Variants in SORCS3 observed in about 807,000 individuals in gnomAD.
SORCS3 encodes VPS10 domain-containing receptor SorCS3.
Under a neutral mutation model 146.3 loss-of-function variants are expected in SORCS3, and 57 were observed. The ratio of observed to expected loss-of-function variants is 0.39; its 90% CI spans 0.31 to 0.49. The LOEUF (loss-of-function observed/expected upper bound fraction) is 0.49, where lower values mean the gene tolerates loss of function less well. Among genes scored for constraint, SORCS3 ranks in the 20% least tolerant of loss-of-function variants. The pLI, the probability that SORCS3 is intolerant of heterozygous loss-of-function variation, is 0.92. For missense variants in SORCS3, 1,341 were observed against 1,575.5 expected (o/e 0.85, Z 2.52); for synonymous variants, 653 against 618.5 (o/e 1.06, Z -0.83).
chr10:104,929,306 C>G (rs2133609585), intron 3 of SORCS3, among the ~76,000 whole-genome samples: 1 of 152,350 alleles, frequency 6.6e-6, no homozygotes, highest in Non-Finnish European at 1.5e-5. Flanking sequence ...AAATGAGCCT[C>G]TCTTCGGCTT....
At chr10:104,669,498 T>G (rs1315309813) in intron 1 of SORCS3, among the ~76,000 whole-genome samples, 2 of 152,224 alleles carry the variant, frequency 1.3e-5, no homozygotes, top group Non-Finnish European at 2.9e-5. Context: ...CATATAGCAT[T>G]TGCCTTTGGA....
intron 4 of SORCS3, among the ~76,000 whole-genome samples, chr10:105,003,120 A>G (rs2055071856): frequency 6.6e-6 from 1 of 152,180 alleles, no homozygotes; most frequent in South Asian, 2.1e-4. Context: ...ATAATTCCTA[A>G]CAATGGCATC....
intron 6 of SORCS3, among the ~76,000 whole-genome samples, chr10:105,102,001 G>C (rs2055788340): frequency 6.6e-6 from 1 of 152,174 alleles, no homozygotes; most frequent in African/African-American, 2.4e-5. Context: ...TGGGCTCCCT[G>C]CCTTCCCCTC....
chr10:104,912,707 G>T (rs2018981386), intron 2 of SORCS3, among the ~76,000 whole-genome samples: 1 of 152,144 alleles, frequency 6.6e-6, no homozygotes, highest in African/African-American at 2.4e-5. Flanking sequence ...TTTGTACCAG[G>T]CATGGTGCAA....
intron 1 of SORCS3, among the ~76,000 whole-genome samples, chr10:104,813,785 G>A (rs188857462): frequency 2.6e-5 from 4 of 151,972 alleles, no homozygotes; most frequent in South Asian, 2.1e-4. Flanking sequence ...TAACCAGGAC[G>A]ATAATGTTTT....
At chr10:105,243,036 C>CATATATTTATATATATTT (rs1334939373) in intron 20 of SORCS3, among the ~76,000 whole-genome samples, 7 of 129,388 alleles carry the variant, frequency 5.4e-5, no homozygotes, top group East Asian at 2.1e-4. Flanking sequence ...TATATATTTA[C>CATATATTTATATATATTT]ATATATTTAT....
chr10:104,766,001 C>T (rs1376454998), intron 1 of SORCS3, among the ~76,000 whole-genome samples: 3 of 152,178 alleles, frequency 2.0e-5, no homozygotes, highest in Non-Finnish European at 4.4e-5. Context: ...CCCTTTGGGG[C>T]TAGAGAGGTT....
At chr10:105,158,110 G>A (rs1422859932) in intron 10 of SORCS3, among the ~76,000 whole-genome samples, 2 of 152,024 alleles carry the variant, frequency 1.3e-5, no homozygotes, top group African/African-American at 4.8e-5. Context: ...TACTAGGAGG[G>A]TCAGAGAGAA....
At chr10:105,206,864 C>T (rs1003669406) in intron 16 of SORCS3, among the ~76,000 whole-genome samples, 3 of 152,090 alleles carry the variant, frequency 2.0e-5, no homozygotes, top group Admixed American at 2.0e-4. Context: ...TGCTATCCTG[C>T]CTGCTGAAGT....
At chr10:105,135,761 T>C (rs1222668101) in intron 7 of SORCS3, among the ~76,000 whole-genome samples, 1 of 152,192 alleles carries the variant, frequency 6.6e-6, no homozygotes, top group Non-Finnish European at 1.5e-5. Context: ...TTAAGCCAAG[T>C]TTTTTGCCGC....
chr10:105,006,718 G>C (rs770244281), intron 4 of SORCS3, among the ~76,000 whole-genome samples: 10 of 152,112 alleles, frequency 6.6e-5, no homozygotes, highest in Non-Finnish European at 1.3e-4. Context: ...GTCTTGCACT[G>C]TTTGGGATAT....
intron 4 of SORCS3, among the ~76,000 whole-genome samples, chr10:105,011,839 C>A (rs2133681579): frequency 6.6e-6 from 1 of 152,274 alleles, no homozygotes; most frequent in Middle Eastern, 3.4e-3. Flanking sequence ...TGAAACAGAA[C>A]CAGAAACCCT....
intron 5 of SORCS3, among the ~76,000 whole-genome samples, chr10:105,077,859 T>A (rs11192309): frequency 0.072 from 11,010 of 152,188 alleles, 582 homozygotes; most frequent in Admixed American, 0.15. Context: ...CAGACATGGG[T>A]GTCAGTGTCT....
chr10:104,952,255 GAAAAAAAAAAAAAAA>G (rs55880149), intron 3 of SORCS3, among the ~76,000 whole-genome samples: 3 of 40,608 alleles, frequency 7.4e-5, no homozygotes, highest in African/African-American at 9.0e-5. Context: ...ATGAATGTTT[GAAAAAAAAAAAAAAA>G]AAAAAAAAAA....
In SORCS3 at chr10:105,015,898, T is replaced by G. The variant is rs895434481; in HGVS notation, c.955-27157T>G. Among the ~76,000 whole-genome samples, 34 of 150,278 alleles carry G rather than the reference T, an allele frequency of 2.3e-4. 1 individual carries two copies. The highest frequency in any genetic ancestry group is 4.0e-4 in the Non-Finnish European group (27 of 67,572). On this transcript the variant is annotated intron_variant, in intron 4 of 26. Coordinates refer to ENST00000369701, the MANE Select transcript of SORCS3 (RefSeq NM_014978.3). Reference sequence around the variant, plus strand: ...GCGCACACCACCATGCCTGGCTAATTTTTATGTTTTTAGTAGAGATGGGGT... The same window carrying G: ...GCGCACACCACCATGCCTGGCTAATGTTTATGTTTTTAGTAGAGATGGGGT...
intron 20 of SORCS3, among the ~76,000 whole-genome samples, chr10:105,238,917 C>T (rs543892417): frequency 6.6e-6 from 1 of 152,184 alleles, no homozygotes; most frequent in African/African-American, 2.4e-5. Context: ...CATTTTTCTC[C>T]TTTAAAAACA....
rs559676802 is a variant in SORCS3, at chr10:104,967,825, A to ATT, written c.796-9497_796-9496dup. On this transcript the variant is annotated intron_variant, in intron 3 of 26. Coordinates refer to ENST00000369701, the MANE Select transcript of SORCS3 (RefSeq NM_014978.3). ...AAGTGCACGCCACCACACCAGACTA[A>ATT]TTTTTTTTTTTTTTGATAGAGTTGA... Among the ~76,000 whole-genome samples the ATT allele has an allele frequency of 4.2e-5, 6 of 143,454 alleles. No homozygotes were observed. In the South Asian group the frequency reaches 1.1e-3, roughly 27 times the overall value. 94.1% of individuals were successfully genotyped at this position (143,454 alleles called of 152,430 possible).
At chr10:104,957,761 T>G (rs2019510647) in intron 3 of SORCS3, among the ~76,000 whole-genome samples, 1 of 152,142 alleles carries the variant, frequency 6.6e-6, no homozygotes, top group Admixed American at 6.6e-5. Context: ...TGTGTTTTTC[T>G]TTTCCCTGCC....
intron 21 of SORCS3, 59 bp downstream of exon 21, chr10:105,245,724 A>G (rs2056861836): frequency 1.3e-6 from 2 of 1,571,138 alleles, no homozygotes; most frequent in Non-Finnish European, 1.7e-6. Flanking sequence ...TCCTGTGTCC[A>G]CTCTCCCTAC....
Sources: allele counts gnomAD v4.1 joint callset (sites outside exome capture counted in the v4.1 genomes callset), GRCh38; gene constraint gnomAD v4.1.1; transcripts MANE v1.5; gene names NCBI Gene and HGNC (gene_info 2026-07-23, HGNC 2026-07-21).